The following USP14 variants were observed in gnomAD, a reference collection of about 807,000 sequenced individuals.
The protein encoded by USP14 is ubiquitin carboxyl-terminal hydrolase 14.
In USP14, 38 loss-of-function variants were observed where a neutral mutation model predicts 76.5. The ratio of observed to expected loss-of-function variants is 0.50; its 90% CI spans 0.38 to 0.65. The LOEUF (loss-of-function observed/expected upper bound fraction) is 0.65. Among genes scored for constraint, USP14 ranks in the 30% least tolerant of loss-of-function variants. The probability of loss-of-function intolerance (pLI) is 0.00; values close to 1 mark genes in which losing one functional copy is unlikely to be tolerated. For synonymous variants in USP14, 192 were observed against 191.7 expected, an observed-to-expected ratio of 1.00 and a Z score of -0.01; for missense variants, 467 against 586.5, an observed-to-expected ratio of 0.80 and a Z score of 2.10.
At position 202,856 on chromosome 18, in the gene USP14, G is replaced by T. The variant is rs976208750; in HGVS notation, c.877-24G>T. 3.1e-6 allele frequency: 5 copies of T among 1,612,548 alleles called. No homozygotes were observed. In the African/African-American group the frequency reaches 5.3e-5, roughly 17 times the overall value. ...ATAAAATTTTTAAAACTAATGTTTG[G>T]TCTTCTGTTATGTTCTTTCTTAGCG... On this transcript the variant is annotated intron_variant, in intron 10 of 15. Transcript: ENST00000261601.
At chr18:176,879 C>T (rs2144229751) in intron 3 of USP14, among the ~76,000 whole-genome samples, 1 of 151,920 alleles carries the variant, frequency 6.6e-6, no homozygotes, top group Middle Eastern at 3.5e-3. Flanking sequence ...ATTGTATAAT[C>T]CCTTTTCCTA....
chr18:178,004 G>GTGTT (rs202201124), intron 3 of USP14, among the ~76,000 whole-genome samples: 29,726 of 151,540 alleles, frequency 0.2, 3,090 homozygotes, highest in Non-Finnish European at 0.25. Context: ...AATTTTATTA[G>GTGTT]TGTTTGTTTG....
intron 3 of USP14, among the ~76,000 whole-genome samples, chr18:172,761 C>T (rs910499185): frequency 6.6e-6 from 1 of 151,972 alleles, no homozygotes; most frequent in African/African-American, 2.4e-5. Context: ...TATGTGCATT[C>T]CTTTTTAGAC....
chr18:160,954 T>C (rs1182873865), intron 1 of USP14, among the ~76,000 whole-genome samples: 1 of 152,108 alleles, frequency 6.6e-6, no homozygotes, highest in Non-Finnish European at 1.5e-5. Flanking sequence ...TGAGACCAAG[T>C]TTTGCTCTTG....
At position 211,949 on chromosome 18, in the gene USP14, G is replaced by A. The variant is rs113148782; in HGVS notation, c.*665G>A. Reference sequence around the variant, plus strand: ...GGATTGTACATTTAACTTTGGAATGGCTTTGTAATAATCAGTCTTAAGAAA... The same window carrying A: ...GGATTGTACATTTAACTTTGGAATGACTTTGTAATAATCAGTCTTAAGAAA... On this transcript the variant is annotated 3_prime_UTR_variant, in exon 16 of 16. Coordinates refer to ENST00000261601, the MANE Select transcript of USP14 (RefSeq NM_005151.4). 6.6e-6 allele frequency: 1 copy of A among 152,152 alleles called. No homozygotes were observed. The highest frequency in any genetic ancestry group is 2.4e-5 in the African/African-American group (1 of 41,414). 9.4% of individuals were successfully genotyped at this position (152,152 alleles called of 1,614,324 possible).
chr18:202,266 T>C (rs1296877105), intron 10 of USP14, among the ~76,000 whole-genome samples: 1 of 152,238 alleles, frequency 6.6e-6, no homozygotes, highest in Non-Finnish European at 1.5e-5. Flanking sequence ...ATAACATTGA[T>C]TACCACTACC....
At chr18:185,818 C>A (rs538414092) in intron 5 of USP14, among the ~76,000 whole-genome samples, 1 of 151,594 alleles carries the variant, frequency 6.6e-6, no homozygotes, top group African/African-American at 2.4e-5. Flanking sequence ...CTTGGCTTCC[C>A]GAGCAGCTGG....
intron 6 of USP14, 136 bp downstream of exon 6, chr18:193,036 A>G (rs779799869): frequency 7.7e-5 from 40 of 519,676 alleles, no homozygotes; most frequent in South Asian, 1.4e-4. Flanking sequence ...TACTTAAGTT[A>G]AACAACTTGG....
chr18:166,762 T>C, intron 2 of USP14, 25 bp from the exon 3 acceptor site: 2 of 1,609,956 alleles, frequency 1.2e-6, no homozygotes, highest in Non-Finnish European at 1.7e-6. Flanking sequence ...GGTGGTTAAA[T>C]GTCTTTTGTT....
chr18:185,480 C>T (rs370358288), intron 5 of USP14, among the ~76,000 whole-genome samples: 5 of 151,928 alleles, frequency 3.3e-5, no homozygotes, highest in African/African-American at 7.3e-5. Flanking sequence ...TTAACACTAG[C>T]GTCTCATTCA....
intron 3 of USP14, among the ~76,000 whole-genome samples, chr18:171,046 A>G (rs1248340433): frequency 7.1e-6 from 1 of 140,180 alleles, no homozygotes; most frequent in East Asian, 2.1e-4. Flanking sequence ...ATATATATAT[A>G]TATATATATA....
rs1367430046 is a variant in USP14, at chr18:213,921, A to G, written c.*2637A>G. ...AAGGAAAAGTGAGGTTTTAGACTTCATTTCTTTTAAAGTTGGCAAACAAAC... is the reference window on the plus strand; with the variant it reads ...AAGGAAAAGTGAGGTTTTAGACTTCGTTTCTTTTAAAGTTGGCAAACAAAC... On this transcript the variant is annotated 3_prime_UTR_variant, in exon 16 of 16. Coordinates refer to ENST00000261601, the MANE Select transcript of USP14 (RefSeq NM_005151.4). 6 of 152,234 alleles carry G rather than the reference A, an allele frequency of 3.9e-5. No individual in the cohort carries two copies. Among genetic ancestry groups the G allele is most frequent in the African/African-American group, 1.4e-4 (6 of 41,560 alleles). The allele number at this position is 152,234 out of a possible 1,614,324, so 9.4% of individuals were successfully genotyped here. A position where few individuals can be genotyped will look rare whatever the true frequency, so the allele number is the denominator to read the frequency against.
In USP14 at chr18:167,580, G is replaced by A. The variant is rs190156566; in HGVS notation, c.195+761G>A. Among the ~76,000 whole-genome samples, 314 of 152,010 alleles carry A rather than the reference G, an allele frequency of 2.1e-3. 1 individual carries two copies. The highest frequency in any genetic ancestry group is 7.3e-3 in the African/African-American group (304 of 41,478). Reference sequence around the variant, plus strand: ...GAGCACAGTGGCATGGTCATGGCTCGCTGCAGCTTTAAACTCCCAGCCTCA... The same window carrying A: ...GAGCACAGTGGCATGGTCATGGCTCACTGCAGCTTTAAACTCCCAGCCTCA... On this transcript the variant is annotated intron_variant, in intron 3 of 15. Transcript: ENST00000261601.
In USP14 at chr18:158,609, C is replaced by G. The variant is rs1909017269; in HGVS notation, c.-90C>G. ...CGCCACCACCGCGCCTCCGCCTCGG[C>G]CGCCGCCGCAGCTGCTCCTGGTCCC... is the stretch of plus-strand genomic sequence containing the variant. On this transcript the variant is annotated 5_prime_UTR_variant, in exon 1 of 16. Transcript: ENST00000261601. The G allele has an allele frequency of 7.0e-7, 1 of 1,420,724 alleles. No homozygotes were observed. The highest frequency in any genetic ancestry group is 1.5e-5 in the African/African-American group (1 of 66,860). 88.0% of individuals were successfully genotyped at this position (1,420,724 alleles called of 1,614,324 possible).
chr18:204,257 C>T (rs1012334271), intron 12 of USP14, among the ~76,000 whole-genome samples: 2 of 150,360 alleles, frequency 1.3e-5, no homozygotes, highest in East Asian at 1.9e-4. Context: ...AGCAGCTTGT[C>T]CAATATTTCT....
At chr18:198,271 C>T (rs1341000834) in intron 9 of USP14, 139 bp downstream of exon 9, 2 of 682,850 alleles carry the variant, frequency 2.9e-6, no homozygotes, top group Non-Finnish European at 4.5e-6. Context: ...GAGTTTCGCT[C>T]TTGTCGCCCA....
In USP14 at chr18:210,015, C is replaced by A; in HGVS notation, c.1209C>A (p.Pro403=). 6.2e-7 allele frequency: 1 copy of A among 1,603,810 alleles called. No individual in the cohort carries two copies. The highest frequency in any genetic ancestry group is 8.5e-7 in the Non-Finnish European group (1 of 1,176,142). ...SSPQKEVKYE[P]FSFADDIGSN... is the part of the protein sequence containing the mutation. ...CCCAGAAAGAAGTTAAGTATGAACC[C>A]TTTTCTTTTGCTGATGGTAAGTAAC... is the stretch of plus-strand genomic sequence containing the variant. Residue 403 remains proline, a synonymous_variant, in exon 14 of 16, where the codon CCC becomes CCA. Coordinates refer to ENST00000261601, the MANE Select transcript of USP14 (RefSeq NM_005151.4).
At chr18:186,598 C>G (rs1306254843) in intron 5 of USP14, among the ~76,000 whole-genome samples, 1 of 151,834 alleles carries the variant, frequency 6.6e-6, no homozygotes, top group African/African-American at 2.4e-5. Flanking sequence ...ATTAAAAATA[C>G]AAAAATTAGC....
intron 10 of USP14, among the ~76,000 whole-genome samples, chr18:202,493 C>T (rs1466304120): frequency 5.3e-5 from 8 of 152,104 alleles, no homozygotes; most frequent in Non-Finnish European, 7.4e-5. Flanking sequence ...ACGTAAAGAA[C>T]AGGAGTTTCT....
Sources: gnomAD v4.1 joint callset for allele counts (sites outside exome capture counted in the v4.1 genomes callset) on GRCh38, gnomAD v4.1.1 for gene constraint, MANE v1.5 for transcripts, NCBI Gene and HGNC (gene_info 2026-07-23, HGNC 2026-07-21) for gene names.